Variants in BPIFB1 observed in about 807,000 individuals in gnomAD.
BPIFB1 encodes BPI fold containing family B member 1, also known as BPI fold-containing family B member 1.
A neutral mutation model predicts 55.1 loss-of-function variants in BPIFB1; 34 were observed. The ratio of observed to expected loss-of-function variants is 0.62; its 90% CI spans 0.47 to 0.82. The LOEUF (loss-of-function observed/expected upper bound fraction) is 0.82, where lower values mean the gene tolerates loss of function less well. BPIFB1 is among the 40% of genes least tolerant of loss of function. The probability of loss-of-function intolerance (pLI) is 0.00; values close to 1 mark genes in which losing one functional copy is unlikely to be tolerated. For missense variants in BPIFB1, 532 were observed against 593.1 expected (o/e 0.90, Z 1.07); for synonymous variants, 236 against 245.3 (o/e 0.96, Z 0.35).
chr20:33,306,949 G>A lies in BPIFB1; in HGVS notation c.1357G>A (p.Ala453Thr), dbSNP rs779790893. The change falls in exon 15 of 16, where the codon GCC becomes ACC. Residue 453 changes from alanine (A) to threonine (T), a missense_variant. Coordinates refer to ENST00000253354, the MANE Select transcript of BPIFB1 (RefSeq NM_033197.3). ...RSGVPVSLVK[A>T]LGFEAAESSL... is the part of the protein sequence containing the mutation. ...TGGGGTCCCAGTGTCATTGGTGAAGGCCTTGGGATTCGAGGCAGCTGAGTC... is the reference window on the plus strand; with the variant it reads ...TGGGGTCCCAGTGTCATTGGTGAAGACCTTGGGATTCGAGGCAGCTGAGTC... 6.2e-6 allele frequency: 10 copies of A among 1,614,228 alleles called. No homozygotes were observed. The highest frequency in any genetic ancestry group is 8.5e-6 in the Non-Finnish European group (10 of 1,180,014).
intron 10 of BPIFB1, 50 bp from the exon 11 acceptor site, chr20:33,302,866 G>A (rs551925894): frequency 2.5e-6 from 4 of 1,602,982 alleles, no homozygotes; most frequent in Non-Finnish European, 2.6e-6. Flanking sequence ...AGAGCCTGTG[G>A]GCCATGGTGG....
intron 11 of BPIFB1, among the ~76,000 whole-genome samples, chr20:33,303,314 A>C (rs1980915945): frequency 6.6e-6 from 1 of 152,170 alleles, no homozygotes; most frequent in Non-Finnish European, 1.5e-5. Flanking sequence ...GAATTGTATT[A>C]GCTCCTATAA....
chr20:33,297,835 C>A (rs914123550), intron 7 of BPIFB1, among the ~76,000 whole-genome samples: 5 of 152,312 alleles, frequency 3.3e-5, no homozygotes, highest in South Asian at 2.1e-4. Flanking sequence ...GTTCAAATCC[C>A]AGCTCTGCCC....
At chr20:33,284,540 T>G (rs537504606) in intron 1 of BPIFB1, among the ~76,000 whole-genome samples, 1 of 152,276 alleles carries the variant, frequency 6.6e-6, no homozygotes, top group South Asian at 2.1e-4. Flanking sequence ...GAATCATTAT[T>G]GCAAGGGTCT....
chr20:33,297,058 G>A (rs1263876968), intron 6 of BPIFB1, among the ~76,000 whole-genome samples: 1 of 152,228 alleles, frequency 6.6e-6, no homozygotes, highest in Non-Finnish European at 1.5e-5. Context: ...CAAGTAGCTT[G>A]GATTACAGGA....
intron 10 of BPIFB1, 177 bp downstream of exon 10, chr20:33,302,589 T>A (rs1173786241): frequency 1.4e-6 from 1 of 705,052 alleles, no homozygotes; most frequent in Non-Finnish European, 2.5e-6. Context: ...AAGCAAATCA[T>A]CACATGGATA....
chr20:33,300,257 C>T (rs1980803857), intron 8 of BPIFB1, among the ~76,000 whole-genome samples: 1 of 152,192 alleles, frequency 6.6e-6, no homozygotes, highest in Non-Finnish European at 1.5e-5. Flanking sequence ...AGGCAAGTCC[C>T]TGCCAATCCC....
At chr20:33,304,778 T>C in intron 12 of BPIFB1, 68 bp from the exon 13 acceptor site, 1 of 1,583,044 alleles carries the variant, frequency 6.3e-7, no homozygotes, top group South Asian at 1.1e-5. Flanking sequence ...AATAAATCGC[T>C]GTTGAATGAG....
At position 33,286,027 on chromosome 20, in the gene BPIFB1, C is replaced by T. The variant is rs370908525; in HGVS notation, c.-41-6C>T. Reference sequence around the variant, plus strand: ...TCTGCCTCAGGTCCCTCTGTGCTCACCCCAGGTCTGGCATCCTGCACTTGC... The same window carrying T: ...TCTGCCTCAGGTCCCTCTGTGCTCATCCCAGGTCTGGCATCCTGCACTTGC... On this transcript the variant is annotated splice_region_variant and splice_polypyrimidine_tract_variant and intron_variant, in intron 1 of 15. Transcript: ENST00000253354. 24 of 1,583,730 alleles carry T rather than the reference C, an allele frequency of 1.5e-5. No individual in the cohort carries two copies. In the Admixed American group the frequency reaches 2.3e-4, roughly 15 times the overall value.
At chr20:33,288,967 T>G (rs1482221736) in intron 3 of BPIFB1, 85 bp downstream of exon 3, 2 of 1,444,560 alleles carry the variant, frequency 1.4e-6, no homozygotes, top group Non-Finnish European at 1.9e-6. Context: ...TCAACCAGTC[T>G]GCAAGCATCG....
At chr20:33,291,663 G>A (rs1980476811) in intron 5 of BPIFB1, among the ~76,000 whole-genome samples, 1 of 152,218 alleles carries the variant, frequency 6.6e-6, no homozygotes, top group East Asian at 1.9e-4. Context: ...AGAAATGCCA[G>A]CTCCCATCAT....
chr20:33,300,538 G>A (rs898343864), intron 8 of BPIFB1, among the ~76,000 whole-genome samples: 44 of 152,264 alleles, frequency 2.9e-4, no homozygotes, highest in African/African-American at 1.0e-3. Flanking sequence ...GTGGCTGGAC[G>A]CCCCAAAGGG....
rs780821297 is a variant in BPIFB1, at chr20:33,290,941, T to G, written c.366-16T>G. 6.2e-6 allele frequency: 10 copies of G among 1,612,376 alleles called. No individual in the cohort carries two copies. The Admixed American group carries it at 8.3e-5, about 13-fold the overall frequency. ...CTTGCCTGGTGCTCACATGGTCAGG[T>G]GCCTCCACCCGCTAGGCCCCTGGTC... On this transcript the variant is annotated splice_polypyrimidine_tract_variant and intron_variant, in intron 4 of 15. Transcript: ENST00000253354.
chr20:33,290,259 G>T (rs1043830169), intron 4 of BPIFB1, among the ~76,000 whole-genome samples: 1 of 152,210 alleles, frequency 6.6e-6, no homozygotes, highest in Non-Finnish European at 1.5e-5. Flanking sequence ...TAAGGACTTG[G>T]CTTTTGCTGA....
chr20:33,306,115 A>T, intron 14 of BPIFB1, 50 bp downstream of exon 14: 1 of 1,594,598 alleles, frequency 6.3e-7, no homozygotes, highest in East Asian at 2.2e-5. Context: ...GCTTGGCTTT[A>T]CTTCCCCTGC....
At chr20:33,299,499 G>A (rs1180555940) in intron 7 of BPIFB1, among the ~76,000 whole-genome samples, 1 of 152,206 alleles carries the variant, frequency 6.6e-6, no homozygotes, top group Non-Finnish European at 1.5e-5. Context: ...TGGTAGGGGC[G>A]GTGGAGTGTT....
intron 4 of BPIFB1, 48 bp downstream of exon 4, chr20:33,290,040 C>T: frequency 7.1e-7 from 1 of 1,399,452 alleles, no homozygotes; most frequent in Non-Finnish European, 1.0e-6. Flanking sequence ...GGCTCATCTG[C>T]TCGTTCCCCC....
chr20:33,305,986 C>T lies in BPIFB1; in HGVS notation c.1255-16C>T, dbSNP rs1288336573. On this transcript the variant is annotated splice_polypyrimidine_tract_variant and intron_variant, in intron 13 of 15. Transcript: ENST00000253354. Reference sequence around the variant, plus strand: ...ATGCTCAACCAGGGTGACAGTGCCCCTTCTCTCTCTCACAGCCTGATGTTC... The same window carrying T: ...ATGCTCAACCAGGGTGACAGTGCCCTTTCTCTCTCTCACAGCCTGATGTTC... 6.2e-7 allele frequency: 1 copy of T among 1,613,954 alleles called. No individual in the cohort carries two copies. The highest frequency in any genetic ancestry group is 8.5e-7 in the Non-Finnish European group (1 of 1,179,894).
rs546364365 is a variant in BPIFB1, at chr20:33,291,855, G to A, written c.516-52G>A. The stretch of plus-strand genomic sequence containing the variant: ...TCCCCCTCTGTAAAATAGAGGAAGG[G>A]GTGATCATCTCTGACCCTTCCTAAT... On this transcript the variant is annotated intron_variant, in intron 5 of 15. Coordinates refer to ENST00000253354, the MANE Select transcript of BPIFB1 (RefSeq NM_033197.3). 25 of 1,508,368 alleles carry A rather than the reference G, an allele frequency of 1.7e-5. No homozygotes were observed. In the African/African-American group the frequency reaches 3.2e-4, roughly 19 times the overall value. The allele number at this position is 1,508,368 out of a possible 1,614,324, so 93.4% of individuals were successfully genotyped here. A position where few individuals can be genotyped will look rare whatever the true frequency, so the allele number is the denominator to read the frequency against.
Sources: allele counts gnomAD v4.1 joint callset (sites outside exome capture counted in the v4.1 genomes callset), GRCh38; gene constraint gnomAD v4.1.1; transcripts MANE v1.5; gene names NCBI Gene and HGNC (gene_info 2026-07-23, HGNC 2026-07-21).